Variants in MGAT4D observed in about 807,000 individuals in gnomAD.
MGAT4D encodes the protein MGAT4 family member D.
In MGAT4D, 34 loss-of-function variants were observed where a neutral mutation model predicts 15.9. That is an observed-to-expected ratio of 2.14 (90% confidence interval 1.62 to 2.84). MGAT4D has a LOEUF of 2.84. Ranked by LOEUF, MGAT4D falls within the 30% of genes most tolerant of loss-of-function variation. The pLI, the probability that MGAT4D is intolerant of heterozygous loss-of-function variation, is 0.00. For synonymous variants in MGAT4D, 112 were observed against 48.2 expected (o/e 2.33, Z -5.49); for missense variants, 327 against 140.2 (o/e 2.33, Z -6.73).
At chr4:140,466,868 G>T (rs1050669743) in intron 5 of MGAT4D, among the ~76,000 whole-genome samples, 1 of 152,050 alleles carries the variant, frequency 6.6e-6, no homozygotes, top group Non-Finnish European at 1.5e-5. Flanking sequence ...ACGAAAATGG[G>T]GTTGGAATAG....
At chr4:140,476,413 G>T (rs1298901220) in intron 3 of MGAT4D, among the ~76,000 whole-genome samples, 1 of 152,136 alleles carries the variant, frequency 6.6e-6, no homozygotes, top group East Asian at 1.9e-4. Context: ...TTATCTTCAG[G>T]TCATAAAGAC....
intron 10 of MGAT4D, among the ~76,000 whole-genome samples, chr4:140,445,396 CTT>C (rs1284864797): frequency 6.6e-6 from 1 of 151,882 alleles, no homozygotes; most frequent in Non-Finnish European, 1.5e-5. Flanking sequence ...TTGCTTGTAA[CTT>C]TGAATTCTTT....
intron 2 of MGAT4D, 130 bp downstream of exon 2, chr4:140,482,197 T>C (rs1578703350): frequency 2.1e-6 from 1 of 472,106 alleles, no homozygotes; most frequent in East Asian, 3.5e-5. Context: ...TTACCTGATT[T>C]TTGCACGTCT....
At chr4:140,488,203 C>A (rs1268986154) in intron 1 of MGAT4D, among the ~76,000 whole-genome samples, 1 of 152,154 alleles carries the variant, frequency 6.6e-6, no homozygotes, top group Non-Finnish European at 1.5e-5. Flanking sequence ...CCCTGGTCTA[C>A]CAGGTCCTAT....
intron 6 of MGAT4D, among the ~76,000 whole-genome samples, chr4:140,462,847 C>T (rs1731284467): frequency 6.6e-6 from 1 of 152,164 alleles, no homozygotes. Flanking sequence ...TGCGCAGCTC[C>T]TGCTTGGCCA....
intron 1 of MGAT4D, among the ~76,000 whole-genome samples, chr4:140,492,627 CA>C (rs57107544): frequency 0.047 from 5,391 of 113,646 alleles, 136 homozygotes; most frequent in African/African-American, 0.1. Context: ...GACTCTGTCT[CA>C]AAAAAAAAAA....
chr4:140,461,007 T>C (rs1731139059), intron 7 of MGAT4D, among the ~76,000 whole-genome samples: 1 of 152,166 alleles, frequency 6.6e-6, no homozygotes, highest in Non-Finnish European at 1.5e-5. Context: ...GTTAGAATAA[T>C]GGTGTAAGCC....
At chr4:140,495,034 G>T (rs1007367837) in intron 1 of MGAT4D, among the ~76,000 whole-genome samples, 1 of 152,098 alleles carries the variant, frequency 6.6e-6, no homozygotes, top group Admixed American at 6.6e-5. Flanking sequence ...AACTCTGATG[G>T]CTTCCGATCT....
At chr4:140,456,837 A>G in intron 8 of MGAT4D, 118 bp from the exon 9 acceptor site, 1 of 501,926 alleles carries the variant, frequency 2.0e-6, no homozygotes, top group Non-Finnish European at 3.5e-6. Context: ...AGAAATAAAG[A>G]TTAAAGCACT....
chr4:140,486,453 C>G (rs1733138986), intron 1 of MGAT4D, among the ~76,000 whole-genome samples: 1 of 152,104 alleles, frequency 6.6e-6, no homozygotes, highest in Non-Finnish European at 1.5e-5. Context: ...AACCTGTCAT[C>G]TACATTAGGT....
chr4:140,479,832 TA>T (rs1426743088), intron 2 of MGAT4D, among the ~76,000 whole-genome samples: 2 of 152,092 alleles, frequency 1.3e-5, no homozygotes, highest in African/African-American at 4.8e-5. Flanking sequence ...TATAAAGTAA[TA>T]TGTAATTTAA....
chr4:140,482,037 A>C lies in MGAT4D; in HGVS notation c.253+290T>G, dbSNP rs562177381. 2.6e-5 allele frequency among the ~76,000 whole-genome samples: 4 copies of C among 152,314 alleles called. 1 individual carries two copies. Among genetic ancestry groups the C allele is most frequent in the South Asian group, 4.1e-4 (2 of 4,822 alleles). On this transcript the variant is annotated intron_variant, in intron 2 of 10. Coordinates refer to ENST00000511113, the MANE Select transcript of MGAT4D (RefSeq NM_001277353.2). ...GCTTTTACTGACATGGAAGTATGCA[A>C]GAGGTAGAGCGAGGGGTCAGAGGTG...
At chr4:140,454,778 T>C (rs985997563) in intron 9 of MGAT4D, among the ~76,000 whole-genome samples, 8 of 152,212 alleles carry the variant, frequency 5.3e-5, no homozygotes, top group African/African-American at 1.9e-4. Flanking sequence ...TTAGTAGATA[T>C]AGGACTACTC....
At chr4:140,468,252 C>T (rs941153319) in intron 5 of MGAT4D, among the ~76,000 whole-genome samples, 1 of 151,998 alleles carries the variant, frequency 6.6e-6, no homozygotes, top group Non-Finnish European at 1.5e-5. Context: ...TTTTGAATCA[C>T]CTGACATAGT....
At chr4:140,454,715 CT>C (rs1487075198) in intron 9 of MGAT4D, among the ~76,000 whole-genome samples, 1 of 152,010 alleles carries the variant, frequency 6.6e-6, no homozygotes, top group Admixed American at 6.6e-5. Context: ...CCTTTAAACC[CT>C]TTGGACATGG....
At chr4:140,487,947 A>G (rs941344431) in intron 1 of MGAT4D, among the ~76,000 whole-genome samples, 3 of 152,138 alleles carry the variant, frequency 2.0e-5, no homozygotes, top group Non-Finnish European at 2.9e-5. Context: ...GATGCAGACA[A>G]TCAGATTGTG....
chr4:140,482,178 T>C (rs1395295554), intron 2 of MGAT4D, 149 bp downstream of exon 2: 1 of 467,368 alleles, frequency 2.1e-6, no homozygotes, highest in Non-Finnish European at 3.8e-6. Flanking sequence ...AGTAGGTCAG[T>C]GATATCTCTT....
chr4:140,449,343 C>T (rs1043691304), intron 10 of MGAT4D, among the ~76,000 whole-genome samples: 2 of 152,110 alleles, frequency 1.3e-5, no homozygotes, highest in African/African-American at 4.8e-5. Context: ...AAGTTCATCA[C>T]TAAAAAGGCA....
chr4:140,480,728 A>AACACACACACACACAC (rs10615827), intron 2 of MGAT4D, among the ~76,000 whole-genome samples: 11 of 125,600 alleles, frequency 8.8e-5, no homozygotes, highest in Non-Finnish European at 1.3e-4. Context: ...CTCATCTCTA[A>AACACACACACACACAC]ACACACACAC....
Sources: gnomAD v4.1 joint callset for allele counts (sites outside exome capture counted in the v4.1 genomes callset) on GRCh38, gnomAD v4.1.1 for gene constraint, MANE v1.5 for transcripts, NCBI Gene and HGNC (gene_info 2026-07-23, HGNC 2026-07-21) for gene names.